Variants in CPS1 observed in about 807,000 individuals in gnomAD.
CPS1 encodes carbamoyl-phosphate synthase 1, also known as carbamoyl-phosphate synthase [ammonia], mitochondrial.
Under a neutral mutation model 174.6 loss-of-function variants are expected in CPS1, and 109 were observed. That is an observed-to-expected ratio of 0.62 (90% confidence interval 0.53 to 0.73). The LOEUF is 0.73. Among genes scored for constraint, CPS1 ranks in the 30% least tolerant of loss-of-function variants. The pLI is 0.00. For missense variants in CPS1, 1,689 were observed against 1,821.9 expected (o/e 0.93, Z 1.33); for synonymous variants, 637 against 632.0 (o/e 1.01, Z -0.12).
chr2:210,526,006 G>A lies in CPS1; in HGVS notation c.4-30713G>A, dbSNP rs1438839235. Among the ~76,000 whole-genome samples, 6 of 151,894 alleles carry A rather than the reference G, an allele frequency of 4.0e-5. No homozygotes were observed. The East Asian group carries it at 1.2e-3, about 30-fold the overall frequency. ...GAAGAGTCCACTGGGGAACTAATGG[G>A]AGATGAGCATGGAAAGGGAGGCAGA... On this transcript the variant is annotated intron_variant, in intron 1 of 38. Transcript: ENST00000430249.
At chr2:210,549,657 T>A (rs1299563221) in intron 1 of CPS1, among the ~76,000 whole-genome samples, 1 of 152,092 alleles carries the variant, frequency 6.6e-6, no homozygotes, top group African/African-American at 2.4e-5. Context: ...AATGAGATGA[T>A]CTTGGCTTAC....
intron 1 of CPS1, among the ~76,000 whole-genome samples, chr2:210,508,855 C>T (rs911800026): frequency 9.9e-5 from 15 of 152,246 alleles, no homozygotes; most frequent in Admixed American, 3.9e-4. Context: ...CTGAATAGAC[C>T]GATAACAGGC....
rs149863291 is a variant in CPS1 at position 210,598,679 on chromosome 2, A to G, written c.1360-693A>G. ...GAAGATCTAACTATCCTAAATATATATGCACCCAACACAGGAGCACCCAGT... is the reference window on the plus strand; with the variant it reads ...GAAGATCTAACTATCCTAAATATATGTGCACCCAACACAGGAGCACCCAGT... On this transcript the variant is annotated intron_variant, in intron 13 of 37. Transcript: ENST00000233072. Among the ~76,000 whole-genome samples the G allele has an allele frequency of 9.8e-4, 149 of 152,056 alleles. 1 individual carries two copies. The East Asian group carries it at 0.025, about 26-fold the overall frequency.
At chr2:210,505,075 G>A (rs547935295) in intron 1 of CPS1, among the ~76,000 whole-genome samples, 1 of 151,988 alleles carries the variant, frequency 6.6e-6, no homozygotes, top group Non-Finnish European at 1.5e-5. Context: ...CTCTGCCTAA[G>A]AGTGTGTTTT....
At chr2:210,651,496 C>G (rs72938008) in intron 28 of CPS1, among the ~76,000 whole-genome samples, 323 of 152,300 alleles carry the variant, frequency 2.1e-3, no homozygotes, top group Non-Finnish European at 3.4e-3. Flanking sequence ...ACTGTCTTCT[C>G]TATTTTATTC....
intron 4 of CPS1, among the ~76,000 whole-genome samples, 197 bp from the exon 5 acceptor site, chr2:210,579,517 A>G (rs1404376013): frequency 6.6e-6 from 1 of 152,192 alleles, no homozygotes; most frequent in East Asian, 1.9e-4. Flanking sequence ...GAACCTGGGT[A>G]TTAAGAGTCC....
At chr2:210,676,244 T>C (rs1316567900) in intron 36 of CPS1, among the ~76,000 whole-genome samples, 2 of 152,210 alleles carry the variant, frequency 1.3e-5, no homozygotes, top group Non-Finnish European at 2.9e-5. Flanking sequence ...GGAACCTATG[T>C]TGAGTACTAT....
intron 1 of CPS1, among the ~76,000 whole-genome samples, chr2:210,548,277 C>T (rs1288021466): frequency 1.3e-5 from 2 of 152,052 alleles, no homozygotes; most frequent in Non-Finnish European, 2.9e-5. Context: ...CGACTTCTAA[C>T]ATGGCAATTA....
chr2:210,650,882 T>G (rs1045689793), intron 28 of CPS1, among the ~76,000 whole-genome samples: 1 of 151,568 alleles, frequency 6.6e-6, no homozygotes, highest in African/African-American at 2.4e-5. Flanking sequence ...CTTTGCCTAG[T>G]CAAACATGCA....
chr2:210,598,236 C>T (rs1698565283), intron 13 of CPS1, among the ~76,000 whole-genome samples: 1 of 151,752 alleles, frequency 6.6e-6, no homozygotes, highest in Admixed American at 6.6e-5. Context: ...TATAGAAAGA[C>T]CACTACCAGC....
chr2:210,529,598 A>T (rs544951485), intron 1 of CPS1, among the ~76,000 whole-genome samples: 2 of 152,156 alleles, frequency 1.3e-5, no homozygotes, highest in South Asian at 4.1e-4. Flanking sequence ...ATCTGACAAA[A>T]AGAAGAACAA....
intron 25 of CPS1, among the ~76,000 whole-genome samples, chr2:210,644,567 A>C (rs72936197): frequency 0.011 from 1,737 of 152,270 alleles, 18 homozygotes; most frequent in Middle Eastern, 0.017. Context: ...AATTTTATAA[A>C]TTGGAGATAA....
At position 210,642,457 on chromosome 2, in the gene CPS1, CT is replaced by C. The variant is rs1251547644; in HGVS notation, c.2960-23del. 5 of 1,613,704 alleles carry C rather than the reference CT, an allele frequency of 3.1e-6. No homozygotes were observed. In the South Asian group the frequency reaches 5.5e-5, roughly 18 times the overall value. ...TTGTAACTTCGTGCTTCTCTTATCC[CT>C]TTTGCCAATCTCATTGTCTCTGCAG... On this transcript the variant is annotated intron_variant, in intron 24 of 37. Transcript: ENST00000233072.
intron 1 of CPS1, among the ~76,000 whole-genome samples, chr2:210,536,572 C>T (rs1047427258): frequency 6.6e-6 from 1 of 152,044 alleles, no homozygotes; most frequent in South Asian, 2.1e-4. Flanking sequence ...GTGATCCGCC[C>T]GCCTCGGCCT....
intron 21 of CPS1, chr2:210,631,289 G>A (rs372533059): frequency 3.8e-4 from 58 of 152,248 alleles, no homozygotes; most frequent in African/African-American, 1.3e-3. Context: ...TGTGCCAGGT[G>A]AAAATTTCCT....
chr2:210,507,934 C>A (rs912773749), intron 1 of CPS1, among the ~76,000 whole-genome samples: 4 of 151,766 alleles, frequency 2.6e-5, no homozygotes, highest in Non-Finnish European at 4.4e-5. Context: ...TAATGGGAGA[C>A]TTTAACACCC....
At chr2:210,583,667 C>T (rs1284572316) in intron 6 of CPS1, among the ~76,000 whole-genome samples, 1 of 152,080 alleles carries the variant, frequency 6.6e-6, no homozygotes, top group Non-Finnish European at 1.5e-5. Flanking sequence ...TTTGGGATGG[C>T]TGAACCAAGG....
intron 35 of CPS1, among the ~76,000 whole-genome samples, chr2:210,675,308 G>A (rs1264759161): frequency 3.9e-5 from 6 of 152,112 alleles, no homozygotes; most frequent in African/African-American, 1.2e-4. Context: ...AAACTTCTTT[G>A]CAGTGAATAC....
chr2:210,618,283 T>C (rs1442421387), intron 21 of CPS1: 1 of 152,108 alleles, frequency 6.6e-6, no homozygotes, highest in Non-Finnish European at 1.5e-5. Context: ...AATAGGGATA[T>C]TTTCTATTGT....
Sources: allele counts gnomAD v4.1 joint callset (sites outside exome capture counted in the v4.1 genomes callset), GRCh38; gene constraint gnomAD v4.1.1; transcripts MANE v1.5; gene names NCBI Gene and HGNC (gene_info 2026-07-23, HGNC 2026-07-21).